CRACR2B: variants seen among roughly 807,000 people sequenced by gnomAD.
The protein encoded by CRACR2B is calcium release activated channel regulator 2B.
A neutral mutation model predicts 46.0 loss-of-function variants in CRACR2B; 50 were observed. The ratio of observed to expected loss-of-function variants is 1.09; its 90% CI spans 0.87 to 1.38. The LOEUF (loss-of-function observed/expected upper bound fraction) is 1.38, where lower values mean the gene tolerates loss of function less well. Ranked by LOEUF, CRACR2B falls within the 40% of genes most tolerant of loss-of-function variation. CRACR2B has a pLI of 0.00. For missense variants in CRACR2B, 667 were observed against 535.0 expected (o/e 1.25, Z -2.43); for synonymous variants, 277 against 239.6 (o/e 1.16, Z -1.44).
chr11:829,961 G>A (rs1312327784), intron 3 of CRACR2B, 25 bp from the exon 4 acceptor site: 6 of 1,551,756 alleles, frequency 3.9e-6, no homozygotes, highest in Non-Finnish European at 5.2e-6. Context: ...GCCAGCTCCA[G>A]CCTCAGTTCC....
chr11:830,231 G>A lies in CRACR2B; in HGVS notation c.606-19G>A, dbSNP rs1329493254. 2 of 1,498,814 alleles carry A rather than the reference G, an allele frequency of 1.3e-6. No homozygotes were observed. The highest frequency in any genetic ancestry group is 2.5e-5 in the East Asian group (1 of 40,486). 92.8% of individuals were successfully genotyped at this position (1,498,814 alleles called of 1,614,324 possible). A position where few individuals can be genotyped will look rare whatever the true frequency, so the allele number is the denominator to read the frequency against. ...TAGCGCTGGCAAGTTCTCATCCGGGGTCGCCCGGTCCCCCGAAGGCGCGAG... is the reference window on the plus strand; with the variant it reads ...TAGCGCTGGCAAGTTCTCATCCGGGATCGCCCGGTCCCCCGAAGGCGCGAG... On this transcript the variant is annotated intron_variant, in intron 4 of 8. Transcript: ENST00000525077.
Position 828,834 on chromosome 11 carries a change from C to T in CRACR2B, c.166-18C>T, listed in dbSNP as rs749362848. 4.3e-6 allele frequency: 7 copies of T among 1,611,180 alleles called. No individual in the cohort carries two copies. Among genetic ancestry groups the T allele is most frequent in the Non-Finnish European group, 5.9e-6 (7 of 1,179,538 alleles). On this transcript the variant is annotated intron_variant, in intron 1 of 8. Coordinates refer to ENST00000525077, the MANE Select transcript of CRACR2B (RefSeq NM_001286606.2). ...GGTTGACCGCAGCGGCTCATCTCTG[C>T]TCTCCTTCCCCGACCAGGGTCTCCA...
chr11:831,314 C>A lies in CRACR2B; in HGVS notation c.1025+19C>A. The A allele has an allele frequency of 3.1e-6, 5 of 1,595,444 alleles. No individual in the cohort carries two copies. Among genetic ancestry groups the A allele is most frequent in the Non-Finnish European group, 4.3e-6 (5 of 1,174,900 alleles). On this transcript the variant is annotated intron_variant, in intron 8 of 8. Coordinates refer to ENST00000525077, the MANE Select transcript of CRACR2B (RefSeq NM_001286606.2). ...TGCTCAGGTACGGTCAGGCTCAGGCCCGAGAGGGAATGGGCTCAGCGGAGC... is the reference window on the plus strand; with the variant it reads ...TGCTCAGGTACGGTCAGGCTCAGGCACGAGAGGGAATGGGCTCAGCGGAGC...
chr11:828,841 T>G lies in CRACR2B; in HGVS notation c.166-11T>G. On this transcript the variant is annotated splice_polypyrimidine_tract_variant and intron_variant, in intron 1 of 8. Coordinates refer to ENST00000525077, the MANE Select transcript of CRACR2B (RefSeq NM_001286606.2). ...CGCAGCGGCTCATCTCTGCTCTCCT[T>G]CCCCGACCAGGGTCTCCAGAGCGAC... 6.2e-7 allele frequency: 1 copy of G among 1,610,996 alleles called. No individual in the cohort carries two copies. The highest frequency in any genetic ancestry group is 1.7e-5 in the Admixed American group (1 of 59,692).
In CRACR2B at chr11:829,073, C is replaced by G. The variant is rs74045169; in HGVS notation, c.277+110C>G. ...GCCGGTGCCTCTCGTCCTCCTCCCTCCAGGGCCCGTGCTTTGTCTGCACGC... is the reference window on the plus strand; with the variant it reads ...GCCGGTGCCTCTCGTCCTCCTCCCTGCAGGGCCCGTGCTTTGTCTGCACGC... On this transcript the variant is annotated intron_variant, in intron 2 of 8. Transcript: ENST00000525077. 1,183 of 1,432,520 alleles carry G rather than the reference C, an allele frequency of 8.3e-4. 5 individuals carry two copies. In the African/African-American group the frequency reaches 9.4e-3, roughly 11 times the overall value. The allele number at this position is 1,432,520 out of a possible 1,614,324, so 88.7% of individuals were successfully genotyped here.
chr11:831,071 C>T, intron 7 of CRACR2B, 39 bp downstream of exon 7: 2 of 1,538,138 alleles, frequency 1.3e-6, no homozygotes, highest in Non-Finnish European at 1.7e-6. Flanking sequence ...CGGTGCGTGT[C>T]CCGGGGGCGG....
At position 829,523 on chromosome 11, in the gene CRACR2B, G is replaced by A; in HGVS notation, c.441G>A (p.Val147=). 1 of 1,595,356 alleles carries A rather than the reference G, an allele frequency of 6.3e-7. No homozygotes were observed. The highest frequency in any genetic ancestry group is 1.3e-5 in the African/African-American group (1 of 74,670). ...ACACTGTGCTGGAGCAGCTGGGGGT[G>A]GCCCCGGTCCTGGGCAAGTGAGTCG... The part of the protein sequence containing the change: ...RFHTVLEQLG[V]APVLGKQRAV... Residue 147 remains valine, a synonymous_variant, in exon 3 of 9, where the codon GTG becomes GTA. Coordinates refer to ENST00000525077, the MANE Select transcript of CRACR2B (RefSeq NM_001286606.2).
intron 2 of CRACR2B, 110 bp downstream of exon 2, chr11:829,073 C>A: frequency 7.0e-7 from 1 of 1,432,526 alleles, no homozygotes; most frequent in Non-Finnish European, 9.6e-7. Flanking sequence ...CCTCCTCCCT[C>A]CAGGGCCCGT....
chr11:828,433 A>G lies in CRACR2B; in HGVS notation c.-175A>G. The G allele has an allele frequency of 1.4e-6, 1 of 712,296 alleles. No individual in the cohort carries two copies. Among genetic ancestry groups the G allele is most frequent in the Non-Finnish European group, 2.2e-6 (1 of 455,958 alleles). 44.1% of individuals were successfully genotyped at this position (712,296 alleles called of 1,614,324 possible). A position where few individuals can be genotyped will look rare whatever the true frequency, so the allele number is the denominator to read the frequency against. On this transcript the variant is annotated 5_prime_UTR_variant, in exon 1 of 9. Coordinates refer to ENST00000525077, the MANE Select transcript of CRACR2B (RefSeq NM_001286606.2). ...ACACCCCAAGCCTGCAGCATTTTCC[A>G]CCCCCAGCCCCCTGGTCCCACCTTG...
intron 3 of CRACR2B, 32 bp downstream of exon 3, chr11:829,572 C>A: frequency 1.3e-6 from 2 of 1,521,134 alleles, no homozygotes; most frequent in Non-Finnish European, 8.8e-7. Flanking sequence ...TCCCACTGCC[C>A]GCTCTGCTGT....
chr11:827,523 A>T, upstream of CRACR2B: 1 of 980,298 alleles, frequency 1.0e-6, no homozygotes, highest in Non-Finnish European at 1.2e-6. Flanking sequence ...CCACCCCACC[A>T]GCCCATCCTC....
In CRACR2B at chr11:829,346, C is replaced by A; in HGVS notation, c.278-14C>A. On this transcript the variant is annotated splice_polypyrimidine_tract_variant and intron_variant, in intron 2 of 8. Transcript: ENST00000525077. ...GACCCACAGCCCTGGTAATCGCTCGCTCCATGCCCGCAGGGATGTTTGTGG... is the reference window on the plus strand; with the variant it reads ...GACCCACAGCCCTGGTAATCGCTCGATCCATGCCCGCAGGGATGTTTGTGG... 1 of 1,598,728 alleles carries A rather than the reference C, an allele frequency of 6.3e-7. No individual in the cohort carries two copies. Among genetic ancestry groups the A allele is most frequent in the Admixed American group, 1.8e-5 (1 of 56,110 alleles).
rs1382178051 is a variant in CRACR2B, at chr11:828,488, G to T, written c.-120G>T. ...CCGCCCACCTTCCCACCTGCTGCAG[G>T]GAGGGCCCTCGGCTGAGCCTTCAGA... On this transcript the variant is annotated 5_prime_UTR_variant, in exon 1 of 9. Transcript: ENST00000525077. The T allele has an allele frequency of 5.5e-5, 68 of 1,247,200 alleles. No individual in the cohort carries two copies. The highest frequency in any genetic ancestry group is 7.3e-5 in the Non-Finnish European group (68 of 936,946). 77.3% of individuals were successfully genotyped at this position (1,247,200 alleles called of 1,614,324 possible). A position where few individuals can be genotyped will look rare whatever the true frequency, so the allele number is the denominator to read the frequency against.
chr11:831,264 G>A lies in CRACR2B; in HGVS notation c.994G>A (p.Val332Ile), dbSNP rs1846406719. ...CTCCAGGAACATGCAGAAAGAGAAA[G>A]TCAGCCTGCTACGGCAACTGGAGCT... is the stretch of plus-strand genomic sequence containing the variant. ...AVSRNMQKEK[V>I]SLLRQLELLR... is the part of the protein sequence containing the mutation. The change falls in exon 8 of 9, where the codon GTC becomes ATC. Residue 332 changes from valine (V) to isoleucine (I), a missense_variant. Coordinates refer to ENST00000525077, the MANE Select transcript of CRACR2B (RefSeq NM_001286606.2). 6.2e-7 allele frequency: 1 copy of A among 1,611,416 alleles called. No homozygotes were observed. Among genetic ancestry groups the A allele is most frequent in the Non-Finnish European group, 8.5e-7 (1 of 1,179,468 alleles).
At chr11:827,643 C>T, upstream of CRACR2B, 1 of 625,356 alleles carries the variant, frequency 1.6e-6, no homozygotes. Context: ...GAGGCAATGG[C>T]CCTGGCCTCT....
chr11:829,309 A>G, intron 2 of CRACR2B, 51 bp from the exon 3 acceptor site: 1 of 1,549,356 alleles, frequency 6.5e-7, no homozygotes. Context: ...ACGGGGACAC[A>G]GCCACGGTGG....
At chr11:827,391 G>A (rs932873088), upstream of CRACR2B, 1 of 263,872 alleles carries the variant, frequency 3.8e-6, no homozygotes, top group African/African-American at 2.3e-5. Context: ...GGGCCGCCGT[G>A]GCCCGCGCCA....
At chr11:827,434 C>A (rs1015954815), upstream of CRACR2B, 17 of 571,472 alleles carry the variant, frequency 3.0e-5, no homozygotes, top group Non-Finnish European at 3.8e-5. Context: ...ACTCCGGTTA[C>A]CCCCTCGGGG....
upstream of CRACR2B, among the ~76,000 whole-genome samples, chr11:826,943 G>A (rs899286333): frequency 6.6e-6 from 1 of 152,160 alleles, no homozygotes; most frequent in African/African-American, 2.4e-5. Flanking sequence ...ACTTTTTGGC[G>A]CCTTAAGTCG....
Sources: allele counts gnomAD v4.1 joint callset (sites outside exome capture counted in the v4.1 genomes callset), GRCh38; gene constraint gnomAD v4.1.1; transcripts MANE v1.5; gene names NCBI Gene and HGNC (gene_info 2026-07-23, HGNC 2026-07-21).